FLT3: variants seen among roughly 807,000 people sequenced by gnomAD.
The protein encoded by FLT3 is fms related receptor tyrosine kinase 3.
Under a neutral mutation model 126.6 loss-of-function variants are expected in FLT3, and 46 were observed. That is an observed-to-expected ratio of 0.36 (90% CI 0.29 to 0.46). The LOEUF (loss-of-function observed/expected upper bound fraction) is 0.46, where lower values mean the gene tolerates loss of function less well. FLT3 is among the 20% of genes least tolerant of loss of function. The pLI, the probability that FLT3 is intolerant of heterozygous loss-of-function variation, is 1.00. For synonymous variants in FLT3, 404 were observed against 434.4 expected (o/e 0.93, Z 0.87); for missense variants, 1,069 against 1,190.3 (o/e 0.90, Z 1.50).
intron 18 of FLT3, among the ~76,000 whole-genome samples, chr13:28,023,962 C>T (rs748073150): frequency 1.3e-5 from 2 of 151,958 alleles, no homozygotes; most frequent in African/African-American, 2.4e-5. Context: ...AGGGTTTCAC[C>T]GTGTTAGCCA....
At chr13:28,017,790 G>C (rs536683266) in intron 20 of FLT3, among the ~76,000 whole-genome samples, 1 of 150,500 alleles carries the variant, frequency 6.6e-6, no homozygotes, top group South Asian at 2.2e-4. Flanking sequence ...TCAGCCTCCC[G>C]AATAGTTGGG....
chr13:28,034,014 C>T (rs762390598), intron 14 of FLT3, 23 bp from the exon 15 acceptor site: 14 of 1,612,578 alleles, frequency 8.7e-6, no homozygotes, highest in South Asian at 4.4e-5. Context: ...ATGGTGAGTA[C>T]GTGCATTTTA....
Position 28,062,175 on chromosome 13 carries a change from C to A in FLT3, c.166-106G>T, listed in dbSNP as rs1319107. ...AACATATGCATGCTGACACACTGCA[C>A]GCAACACCCACACAAGCTGGAACCC... On this transcript the variant is annotated intron_variant, in intron 2 of 23. Coordinates refer to ENST00000241453, the MANE Select transcript of FLT3 (RefSeq NM_004119.3). The A allele has an allele frequency of 1.8e-5, 14 of 766,822 alleles. No homozygotes were observed. In the East Asian group the frequency reaches 3.3e-4, roughly 18 times the overall value. 47.5% of individuals were successfully genotyped at this position (766,822 alleles called of 1,614,324 possible).
chr13:28,027,077 C>CA lies in FLT3; in HGVS notation c.2207+10dup, dbSNP rs777975044. The CA allele has an allele frequency of 2.9e-5, 46 of 1,611,866 alleles. No individual in the cohort carries two copies. The Middle Eastern group carries it at 6.6e-4, about 23-fold the overall frequency. On this transcript the variant is annotated intron_variant, in intron 17 of 23. Transcript: ENST00000241453. ...GATGTGTAATTACGAAACCCTGACCCAGCCTCTTACCTGGAATTTGGATGT... is the reference window on the plus strand; with the variant it reads ...GATGTGTAATTACGAAACCCTGACCCAAGCCTCTTACCTGGAATTTGGATGT...
chr13:28,045,913 T>C (rs975460575), intron 9 of FLT3, among the ~76,000 whole-genome samples: 1 of 131,050 alleles, frequency 7.6e-6, no homozygotes, highest in African/African-American at 2.8e-5. Context: ...TGTGGGTTGA[T>C]GCCTCTAAGG....
At chr13:28,062,743 C>CAAAA (rs59718306) in intron 2 of FLT3, among the ~76,000 whole-genome samples, 4,463 of 89,942 alleles carry the variant, frequency 0.05, 563 homozygotes, top group African/African-American at 0.19. Context: ...AACTCTGTCT[C>CAAAA]AAAAAAAAAA....
At chr13:28,011,267 G>A (rs1176187507) in intron 23 of FLT3, among the ~76,000 whole-genome samples, 3 of 145,118 alleles carry the variant, frequency 2.1e-5, no homozygotes, top group Non-Finnish European at 4.5e-5. Context: ...CTGAGATCAT[G>A]CCACTGCACT....
At chr13:28,089,619 G>A (rs4771220) in intron 1 of FLT3, among the ~76,000 whole-genome samples, 147,358 of 152,144 alleles carry the variant, frequency 0.97, 71,557 homozygotes, top group Non-Finnish European at 1. Flanking sequence ...CAAAGGCTAC[G>A]TATCATAAGA....
intron 16 of FLT3, among the ~76,000 whole-genome samples, chr13:28,027,831 C>G (rs547410309): frequency 2.3e-4 from 35 of 152,306 alleles, no homozygotes; most frequent in African/African-American, 7.2e-4. Context: ...GGGGCAGTGG[C>G]CAGGCTCTGT....
intron 1 of FLT3, among the ~76,000 whole-genome samples, chr13:28,095,477 C>T (rs1452972372): frequency 4.6e-5 from 7 of 152,080 alleles, no homozygotes; most frequent in Non-Finnish European, 8.8e-5. Flanking sequence ...GGTTTTATCA[C>T]GTTGGCCAGG....
rs141707812 is a variant in FLT3, at chr13:28,020,204, C to T, written c.2419-1615G>A. 1.6e-3 allele frequency among the ~76,000 whole-genome samples: 247 copies of T among 152,230 alleles called. 2 individuals are homozygous for T. Among genetic ancestry groups the T allele is most frequent in the African/African-American group, 5.2e-3 (214 of 41,526 alleles). Reference sequence around the variant, plus strand: ...TCTCCATTAGTCCAAGCATGAAGCACGCACTCCCTCAGAAAGCCTCTTCCA... The same window carrying T: ...TCTCCATTAGTCCAAGCATGAAGCATGCACTCCCTCAGAAAGCCTCTTCCA... On this transcript the variant is annotated intron_variant, in intron 19 of 23. Transcript: ENST00000241453.
intron 1 of FLT3, among the ~76,000 whole-genome samples, chr13:28,092,360 A>G (rs1419919354): frequency 6.6e-6 from 1 of 151,678 alleles, no homozygotes; most frequent in Admixed American, 6.6e-5. Context: ...GCAATTGCCA[A>G]CCCTTATATT....
intron 15 of FLT3, among the ~76,000 whole-genome samples, chr13:28,032,388 G>A (rs1160125847): frequency 6.6e-6 from 1 of 152,230 alleles, no homozygotes; most frequent in Non-Finnish European, 1.5e-5. Context: ...CAAGCCCACA[G>A]GGATGCCCCA....
At chr13:28,058,262 C>T (rs1412307692) in intron 3 of FLT3, among the ~76,000 whole-genome samples, 1 of 147,242 alleles carries the variant, frequency 6.8e-6, no homozygotes, top group Non-Finnish European at 1.5e-5. Context: ...TGCCTGTAAT[C>T]CCAGCACTTT....
chr13:28,047,216 C>CTCT (rs1212715635), intron 9 of FLT3, among the ~76,000 whole-genome samples: 1 of 152,192 alleles, frequency 6.6e-6, no homozygotes, highest in East Asian at 1.9e-4. Context: ...TTCAACAGAC[C>CTCT]ACATGCTGAG....
intron 11 of FLT3, 38 bp downstream of exon 11, chr13:28,035,897 T>C: frequency 6.8e-7 from 1 of 1,480,492 alleles, no homozygotes; most frequent in Non-Finnish European, 9.4e-7. Flanking sequence ...GAGAGTTTTA[T>C]GTTCTTCCAT....
Position 28,023,448 on chromosome 13 carries a change from GC to G in FLT3, c.2319del (p.Arg773SerfsTer8). On this transcript the variant is annotated frameshift_variant, in exon 19 of 24. Transcript: ENST00000241453. LOFTEE classifies it high-confidence loss of function. The stretch of plus-strand genomic sequence containing the variant: ...ACATTCAAGTCCTCCTCTTCTTCCA[GC>G]CTTTTTTGGTTTTCATATTCAATTT... Reference protein sequence around the residue: ...EDEIEYENQKRLEEEEDLNVL... With the variant: ...EDEIEYENQKXLEEEEDLNVL... 1 of 1,613,862 alleles carries G rather than the reference GC, an allele frequency of 6.2e-7. No homozygotes were observed. Among genetic ancestry groups the G allele is most frequent in the Non-Finnish European group, 8.5e-7 (1 of 1,179,870 alleles).
At chr13:28,040,005 G>A (rs1254357991) in intron 9 of FLT3, among the ~76,000 whole-genome samples, 1 of 152,162 alleles carries the variant, frequency 6.6e-6, no homozygotes, top group Non-Finnish European at 1.5e-5. Flanking sequence ...TATGAAGAGT[G>A]TTTTATATGC....
chr13:28,014,192 A>G (rs1171256048), intron 23 of FLT3, among the ~76,000 whole-genome samples: 1 of 152,062 alleles, frequency 6.6e-6, no homozygotes, highest in Non-Finnish European at 1.5e-5. Flanking sequence ...GGATTGCTTG[A>G]GCTTGGGAGG....
Sources: gnomAD v4.1 joint callset for allele counts (sites outside exome capture counted in the v4.1 genomes callset) on GRCh38, gnomAD v4.1.1 for gene constraint, MANE v1.5 for transcripts, NCBI Gene and HGNC (gene_info 2026-07-23, HGNC 2026-07-21) for gene names.